The following NEGR1 variants were observed in gnomAD, a reference collection of about 807,000 sequenced individuals.
NEGR1 encodes neuronal growth regulator 1.
NEGR1 carries 10 observed loss-of-function variants against 40.9 expected under a neutral mutation model. The observed-to-expected ratio is 0.24, with a 90% CI of 0.15 to 0.42. The LOEUF is 0.42. Ranked by LOEUF, NEGR1 falls within the 10% of genes least tolerant of loss-of-function variation. The probability of loss-of-function intolerance (pLI) is 1.00; values close to 1 mark genes in which losing one functional copy is unlikely to be tolerated. For missense variants in NEGR1, 352 were observed against 438.9 expected (o/e 0.80, Z 1.77); for synonymous variants, 185 against 166.8 (o/e 1.11, Z -0.84).
At chr1:71,743,407 GTTT>G (rs201865058) in intron 3 of NEGR1, among the ~76,000 whole-genome samples, 1 of 143,514 alleles carries the variant, frequency 7.0e-6, no homozygotes. Context: ...GCTGTCATTG[GTTT>G]TTTTTTTTTC....
At chr1:71,786,383 C>T (rs558000242) in intron 2 of NEGR1, among the ~76,000 whole-genome samples, 4 of 152,216 alleles carry the variant, frequency 2.6e-5, no homozygotes, top group African/African-American at 7.2e-5. Context: ...ATAGTGTGCC[C>T]TTCTCAACAC....
chr1:71,976,364 G>T (rs1646303969), intron 1 of NEGR1, among the ~76,000 whole-genome samples: 1 of 152,162 alleles, frequency 6.6e-6, no homozygotes, highest in Non-Finnish European at 1.5e-5. Context: ...GAGTAATGAG[G>T]TGGGTGTCTT....
At chr1:71,552,769 T>A (rs1368237524) in intron 6 of NEGR1, among the ~76,000 whole-genome samples, 2 of 151,364 alleles carry the variant, frequency 1.3e-5, no homozygotes, top group African/African-American at 4.8e-5. Flanking sequence ...AATCTGGGTT[T>A]ACTGCTTTAA....
chr1:72,072,528 T>C (rs1647512352), intron 1 of NEGR1, among the ~76,000 whole-genome samples: 1 of 152,120 alleles, frequency 6.6e-6, no homozygotes, highest in Non-Finnish European at 1.5e-5. Context: ...CCTATAGCCA[T>C]CAATTATCTG....
intron 1 of NEGR1, among the ~76,000 whole-genome samples, chr1:72,179,811 G>A (rs1162743762): frequency 6.6e-6 from 1 of 151,136 alleles, no homozygotes; most frequent in Non-Finnish European, 1.5e-5. Flanking sequence ...AAAAACCCTA[G>A]GAATAAATTT....
intron 1 of NEGR1, among the ~76,000 whole-genome samples, chr1:72,188,360 G>A (rs531731350): frequency 4.8e-4 from 73 of 151,300 alleles, no homozygotes; most frequent in South Asian, 8.3e-4. Flanking sequence ...TTCAATCTTC[G>A]CATTCTGTGT....
At chr1:71,474,956 A>G (rs1235791227) in intron 6 of NEGR1, among the ~76,000 whole-genome samples, 1 of 152,096 alleles carries the variant, frequency 6.6e-6, no homozygotes, top group Non-Finnish European at 1.5e-5. Flanking sequence ...GAATTCAACA[A>G]GGGTCAGGTA....
At chr1:72,211,095 A>T (rs1370990859) in intron 1 of NEGR1, among the ~76,000 whole-genome samples, 1 of 151,886 alleles carries the variant, frequency 6.6e-6, no homozygotes, top group Non-Finnish European at 1.5e-5. Context: ...TTTCTGAAAA[A>T]GCTATTGACA....
At chr1:71,622,411 A>G (rs555929786) in intron 4 of NEGR1, among the ~76,000 whole-genome samples, 2 of 151,994 alleles carry the variant, frequency 1.3e-5, no homozygotes, top group South Asian at 4.2e-4. Context: ...ATTTGAATGC[A>G]TTTTTTCTAA....
chr1:72,026,940 T>C (rs113756514), intron 1 of NEGR1, among the ~76,000 whole-genome samples: 15,001 of 152,146 alleles, frequency 0.099, 831 homozygotes, highest in Middle Eastern at 0.18. Context: ...TTTTGGTTTT[T>C]TTTGAGACGG....
At chr1:72,003,125 T>C (rs772556876) in intron 1 of NEGR1, among the ~76,000 whole-genome samples, 5 of 152,098 alleles carry the variant, frequency 3.3e-5, no homozygotes, top group African/African-American at 4.8e-5. Context: ...ATTCACTTCC[T>C]TAGTAACTTT....
intron 6 of NEGR1, among the ~76,000 whole-genome samples, chr1:71,464,340 A>G (rs1205484601): frequency 6.6e-6 from 1 of 152,092 alleles, no homozygotes; most frequent in East Asian, 1.9e-4. Context: ...TTTAGTTGTC[A>G]TTAGTACCAT....
chr1:71,938,893 G>C (rs1480626237), intron 1 of NEGR1, among the ~76,000 whole-genome samples: 3 of 152,002 alleles, frequency 2.0e-5, no homozygotes, highest in Non-Finnish European at 4.4e-5. Context: ...CTTGTAGCCA[G>C]GTCCATTCTT....
chr1:72,259,340 A>T (rs1655378839), intron 1 of NEGR1, among the ~76,000 whole-genome samples: 4 of 152,060 alleles, frequency 2.6e-5, no homozygotes, highest in African/African-American at 7.2e-5. Context: ...ATCGAGTATG[A>T]GTCTAGGTGC....
chr1:71,766,118 A>G (rs1656119848), intron 3 of NEGR1, among the ~76,000 whole-genome samples: 1 of 150,526 alleles, frequency 6.6e-6, no homozygotes, highest in Non-Finnish European at 1.5e-5. Context: ...GGTTGCAGTG[A>G]GCCAAGATCG....
rs1250929842 is a variant in NEGR1 at position 71,579,089 on chromosome 1, T to C, written c.940+13728A>G. ...TCACTCACATTTTAAAAGCTAGCAA[T>C]AGTATATGAAAATATGTTTTTGGCT... On this transcript the variant is annotated intron_variant, in intron 6 of 6. Transcript: ENST00000357731. Among the ~76,000 whole-genome samples the C allele has an allele frequency of 2.6e-5, 4 of 152,156 alleles. No homozygotes were observed. In the South Asian group the frequency reaches 6.2e-4, roughly 24 times the overall value.
intron 6 of NEGR1, among the ~76,000 whole-genome samples, chr1:71,443,343 C>A (rs1646560560): frequency 1.3e-5 from 2 of 152,138 alleles, no homozygotes; most frequent in Admixed American, 6.5e-5. Flanking sequence ...ACTGTCGTAG[C>A]CATTATTTCC....
At chr1:72,040,807 T>C (rs1167401656) in intron 1 of NEGR1, among the ~76,000 whole-genome samples, 4 of 151,880 alleles carry the variant, frequency 2.6e-5, no homozygotes, top group Non-Finnish European at 4.4e-5. Flanking sequence ...AATAGCACTT[T>C]AAATTTGGTT....
At chr1:71,915,045 A>G (rs779521361) in intron 2 of NEGR1, among the ~76,000 whole-genome samples, 11 of 151,762 alleles carry the variant, frequency 7.2e-5, no homozygotes, top group Non-Finnish European at 1.5e-4. Flanking sequence ...GTTTTTTCCA[A>G]TTTGGGCTGC....
Sources: allele counts gnomAD v4.1 joint callset (sites outside exome capture counted in the v4.1 genomes callset), GRCh38; gene constraint gnomAD v4.1.1; transcripts MANE v1.5; gene names NCBI Gene and HGNC (gene_info 2026-07-23, HGNC 2026-07-21).